The following PIK3C2G variants were observed in gnomAD, a reference collection of about 807,000 sequenced individuals.
PIK3C2G encodes phosphatidylinositol-4-phosphate 3-kinase catalytic subunit type 2 gamma.
Under a neutral mutation model 181.1 loss-of-function variants are expected in PIK3C2G, and 168 were observed. The observed-to-expected ratio is 0.93, with a 90% CI of 0.82 to 1.05. The LOEUF (loss-of-function observed/expected upper bound fraction) is 1.05. PIK3C2G is among the 50% of genes least tolerant of loss of function. The probability of loss-of-function intolerance (pLI) is 0.00; values close to 1 mark genes in which losing one functional copy is unlikely to be tolerated. For missense variants in PIK3C2G, 1,869 were observed against 1,732.8 expected, an observed-to-expected ratio of 1.08 and a Z score of -1.40; for synonymous variants, 573 against 592.2, an observed-to-expected ratio of 0.97 and a Z score of 0.47.
At chr12:18,674,132 GA>G in the PIK3C2G span, among the ~76,000 whole-genome samples, 2 of 152,124 alleles carry the variant, frequency 1.3e-5, no homozygotes, top group Non-Finnish European at 2.9e-5. Context: ...ATATTAGAGG[GA>G]AAAGCATATA....
chr12:18,340,389 G>A (rs1321563812), intron 9 of PIK3C2G, among the ~76,000 whole-genome samples: 8 of 152,136 alleles, frequency 5.3e-5, no homozygotes, highest in South Asian at 2.1e-4. Context: ...CCCACAGGCC[G>A]CAGGTTGGAC....
At chr12:18,544,572 A>G (rs1944324502) in intron 25 of PIK3C2G, among the ~76,000 whole-genome samples, 1 of 151,992 alleles carries the variant, frequency 6.6e-6, no homozygotes, top group South Asian at 2.1e-4. Flanking sequence ...AGAATGAAGT[A>G]ATTGATTATA....
intron 18 of PIK3C2G, among the ~76,000 whole-genome samples, chr12:18,428,347 A>C (rs1052730941): frequency 1.3e-5 from 2 of 151,944 alleles, no homozygotes; most frequent in African/African-American, 2.4e-5. Context: ...AAAAAAAAAA[A>C]AACTAGAAAC....
chr12:18,544,751 A>T (rs995698582), intron 25 of PIK3C2G, among the ~76,000 whole-genome samples: 5 of 151,874 alleles, frequency 3.3e-5, no homozygotes, highest in African/African-American at 9.7e-5. Flanking sequence ...ATCCAGGAGG[A>T]TAGAGAGTTG....
At chr12:18,350,080 A>C (rs908593448) in intron 11 of PIK3C2G, among the ~76,000 whole-genome samples, 1 of 152,166 alleles carries the variant, frequency 6.6e-6, no homozygotes, top group African/African-American at 2.4e-5. Flanking sequence ...AGACCAGGAG[A>C]TATTCCAAGG....
At chr12:18,464,752 C>T (rs990516343) in intron 18 of PIK3C2G, among the ~76,000 whole-genome samples, 2 of 151,940 alleles carry the variant, frequency 1.3e-5, no homozygotes, top group Admixed American at 1.3e-4. Context: ...TTGACATTCA[C>T]GCATGTTTTT....
the PIK3C2G span, among the ~76,000 whole-genome samples, chr12:18,725,290 G>A: frequency 6.6e-6 from 1 of 152,114 alleles, no homozygotes; most frequent in African/African-American, 2.4e-5. Flanking sequence ...AGGGAAGCGG[G>A]GAGAAGAAAA....
chr12:18,528,209 G>A (rs546046172), intron 24 of PIK3C2G, among the ~76,000 whole-genome samples: 1 of 152,240 alleles, frequency 6.6e-6, no homozygotes, highest in South Asian at 2.1e-4. Context: ...AGAGACTTGT[G>A]TTCTTTCTGC....
chr12:18,585,442 A>G (rs935335898), intron 29 of PIK3C2G, among the ~76,000 whole-genome samples: 1 of 152,060 alleles, frequency 6.6e-6, no homozygotes, highest in Non-Finnish European at 1.5e-5. Flanking sequence ...GAAAAGAAAA[A>G]AAAAAGAGAA....
At chr12:18,410,790 T>C (rs764861838) in intron 16 of PIK3C2G, among the ~76,000 whole-genome samples, 4 of 152,224 alleles carry the variant, frequency 2.6e-5, no homozygotes, top group Non-Finnish European at 4.4e-5. Context: ...ATAATGTTTA[T>C]GTTTAGTGCA....
At chr12:18,293,281 T>A (rs1949791739) in intron 4 of PIK3C2G, among the ~76,000 whole-genome samples, 1 of 152,084 alleles carries the variant, frequency 6.6e-6, no homozygotes, top group Non-Finnish European at 1.5e-5. Flanking sequence ...AAAGGCGAAA[T>A]AACTTGTTTA....
Position 18,640,476 on chromosome 12 carries a change from T to C in PIK3C2G, c.4230T>C (p.Leu1410=), listed in dbSNP as rs780949931. 1.2e-6 allele frequency: 2 copies of C among 1,609,660 alleles called. No individual in the cohort carries two copies. The highest frequency in any genetic ancestry group is 1.7e-6 in the Non-Finnish European group (2 of 1,177,456). The change falls in exon 32 of 33, where the codon CTT becomes CTC. Residue 1410 remains leucine (L), a synonymous_variant. Coordinates refer to ENST00000538779, the MANE Select transcript of PIK3C2G (RefSeq NM_001288772.2). ...CCAGTGCACATGTTGAATTTTATCT[T>C]TTACCATATCCCAGTGAAGTTCGTA... ...SAPSAHVEFY[L]LPYPSEVRRR...
chr12:18,249,628 G>A (rs1025185515), intron 1 of PIK3C2G, among the ~76,000 whole-genome samples: 4 of 152,034 alleles, frequency 2.6e-5, no homozygotes. Flanking sequence ...AGGAGCGACT[G>A]TTCACTACTA....
chr12:18,628,883 A>T (rs1027296308), intron 31 of PIK3C2G, among the ~76,000 whole-genome samples: 1 of 152,108 alleles, frequency 6.6e-6, no homozygotes, highest in African/African-American at 2.4e-5. Context: ...TTTGAGCCAG[A>T]GAGTTGGAAG....
At chr12:18,708,786 T>C in the PIK3C2G span, among the ~76,000 whole-genome samples, 1 of 152,200 alleles carries the variant, frequency 6.6e-6, no homozygotes, top group Non-Finnish European at 1.5e-5. Flanking sequence ...CCTTTTCATA[T>C]ACTTGTTGGC....
At chr12:18,409,158 CA>C (rs1307519816) in intron 16 of PIK3C2G, among the ~76,000 whole-genome samples, 1 of 152,080 alleles carries the variant, frequency 6.6e-6, no homozygotes, top group Non-Finnish European at 1.5e-5. Flanking sequence ...AAAGGCCCAT[CA>C]ATGATAGATT....
chr12:18,384,891 A>G (rs538196241), intron 14 of PIK3C2G, among the ~76,000 whole-genome samples: 7 of 152,336 alleles, frequency 4.6e-5, no homozygotes, highest in Admixed American at 3.3e-4. Flanking sequence ...GCATGATTTT[A>G]ATTGGTGATG....
chr12:18,716,065 T>C, the PIK3C2G span, among the ~76,000 whole-genome samples: 1,231 of 152,290 alleles, frequency 8.1e-3, 22 homozygotes, highest in African/African-American at 0.029. Context: ...ATTTATGTAT[T>C]TAGATTTTAA....
At chr12:18,541,712 C>A (rs887835042) in intron 25 of PIK3C2G, among the ~76,000 whole-genome samples, 1 of 151,904 alleles carries the variant, frequency 6.6e-6, no homozygotes, top group Non-Finnish European at 1.5e-5. Flanking sequence ...ACTTCCTGTT[C>A]TAGCTTCCCT....
Sources: gnomAD v4.1 joint callset for allele counts (sites outside exome capture counted in the v4.1 genomes callset) on GRCh38, gnomAD v4.1.1 for gene constraint, MANE v1.5 for transcripts, NCBI Gene and HGNC (gene_info 2026-07-23, HGNC 2026-07-21) for gene names.